The following UBE2Q2 variants were observed in gnomAD, a reference collection of about 807,000 sequenced individuals.
The protein encoded by UBE2Q2 is ubiquitin conjugating enzyme E2 Q2.
UBE2Q2 carries 54 observed loss-of-function variants against 59.9 expected under a neutral mutation model. That is an observed-to-expected ratio of 0.90 (90% CI 0.72 to 1.13). UBE2Q2 has a LOEUF of 1.13. UBE2Q2 is among the 50% of genes most tolerant of loss of function. The probability of loss-of-function intolerance (pLI) is 0.00; values close to 1 mark genes in which losing one functional copy is unlikely to be tolerated. For synonymous variants in UBE2Q2, 165 were observed against 155.2 expected (o/e 1.06, Z -0.47); for missense variants, 433 against 441.9 (o/e 0.98, Z 0.18).
intron 3 of UBE2Q2, among the ~76,000 whole-genome samples, chr15:75,860,641 T>C (rs1337460491): frequency 6.6e-6 from 1 of 152,206 alleles, no homozygotes; most frequent in African/African-American, 2.4e-5. Flanking sequence ...CTTTTTGTTT[T>C]GCAGTGTCTT....
chr15:75,858,628 A>ACTAC (rs901486431), intron 2 of UBE2Q2, among the ~76,000 whole-genome samples: 1 of 152,088 alleles, frequency 6.6e-6, no homozygotes, highest in Non-Finnish European at 1.5e-5. Context: ...TGGAGAGTGT[A>ACTAC]CTACCCTGTC....
chr15:75,874,785 A>G (rs1897985789), intron 5 of UBE2Q2, among the ~76,000 whole-genome samples: 1 of 152,198 alleles, frequency 6.6e-6, no homozygotes. Context: ...GAAACATCAA[A>G]TGATTGTCTG....
intron 1 of UBE2Q2, 106 bp downstream of exon 1, chr15:75,843,952 G>T: frequency 1.6e-5 from 23 of 1,416,308 alleles, no homozygotes; most frequent in Non-Finnish European, 2.1e-5. Flanking sequence ...CCGGCTCCCC[G>T]GGCGGGGCAG....
intron 1 of UBE2Q2, among the ~76,000 whole-genome samples, chr15:75,845,999 A>G (rs1239829946): frequency 6.6e-6 from 1 of 152,244 alleles, no homozygotes; most frequent in Admixed American, 6.5e-5. Flanking sequence ...ATGACAGACT[A>G]TCAGGAGATA....
At chr15:75,892,872 T>TA (rs1899180804) in intron 11 of UBE2Q2, among the ~76,000 whole-genome samples, 2 of 152,078 alleles carry the variant, frequency 1.3e-5, no homozygotes, top group Admixed American at 1.3e-4. Flanking sequence ...TGTCTCAAAA[T>TA]AAAAAATGTA....
chr15:75,883,777 T>A (rs1898592449), intron 9 of UBE2Q2, among the ~76,000 whole-genome samples: 1 of 152,262 alleles, frequency 6.6e-6, no homozygotes. Flanking sequence ...CCATTAGTTG[T>A]AAAGCATTAT....
intron 3 of UBE2Q2, among the ~76,000 whole-genome samples, chr15:75,864,431 CAGG>C (rs754547180): frequency 2.0e-5 from 3 of 152,140 alleles, no homozygotes; most frequent in Non-Finnish European, 4.4e-5. Flanking sequence ...CTACAACACA[CAGG>C]AGAACCCTCC....
Position 75,873,583 on chromosome 15 carries a change from A to T in UBE2Q2, c.588+15A>T, listed in dbSNP as rs765609658. ...ACCATTTAAATGTAAGTGTGTGTAG[A>T]TATCTAGAACCTGGACTTTTGTGGT... On this transcript the variant is annotated intron_variant, in intron 5 of 12. Transcript: ENST00000267938. 1.6e-5 allele frequency: 25 copies of T among 1,603,516 alleles called. No individual in the cohort carries two copies. The highest frequency in any genetic ancestry group is 2.1e-5 in the Non-Finnish European group (25 of 1,176,750).
At chr15:75,872,902 G>A (rs989085216) in intron 4 of UBE2Q2, among the ~76,000 whole-genome samples, 16 of 151,548 alleles carry the variant, frequency 1.1e-4, no homozygotes, top group African/African-American at 1.2e-4. Flanking sequence ...AAAGTTTTTC[G>A]TTACAGGAGA....
At chr15:75,887,178 G>GC (rs756862125) in intron 9 of UBE2Q2, among the ~76,000 whole-genome samples, 1 of 152,048 alleles carries the variant, frequency 6.6e-6, no homozygotes, top group Non-Finnish European at 1.5e-5. Context: ...TTATACCAAA[G>GC]CCAGCTATAT....
intron 1 of UBE2Q2, among the ~76,000 whole-genome samples, chr15:75,848,856 T>A (rs1213354260): frequency 1.3e-5 from 2 of 152,152 alleles, no homozygotes; most frequent in African/African-American, 4.8e-5. Flanking sequence ...TTATGTGATC[T>A]CTTCTAGAAG....
At position 75,879,165 on chromosome 15, in the gene UBE2Q2, A is replaced by G; in HGVS notation, c.802A>G (p.Ile268Val). ...ILKEKEGIEY[I>V]LLNFSFKDNF... is the part of the protein sequence containing the mutation. The stretch of plus-strand genomic sequence containing the variant: ...AAAAGAAAAAGAAGGCATAGAATAT[A>G]TTTTGCTTAACTTCTCTTTTAAGGT... Residue 268 changes from isoleucine (I) to valine (V), a missense_variant, in exon 8 of 13, where the codon ATT becomes GTT. Physicochemically the swap from Ile to Val is conservative, Grantham distance 29 (BLOSUM62 3). Coordinates refer to ENST00000267938, the MANE Select transcript of UBE2Q2 (RefSeq NM_173469.4). 1 of 1,598,896 alleles carries G rather than the reference A, an allele frequency of 6.3e-7. No individual in the cohort carries two copies. The highest frequency in any genetic ancestry group is 8.5e-7 in the Non-Finnish European group (1 of 1,172,792).
intron 4 of UBE2Q2, among the ~76,000 whole-genome samples, chr15:75,871,600 C>T (rs1461803612): frequency 6.6e-6 from 1 of 152,220 alleles, no homozygotes; most frequent in Admixed American, 6.5e-5. Context: ...TGCCTTCAAG[C>T]ATTTGTTTAA....
intron 2 of UBE2Q2, 49 bp downstream of exon 2, chr15:75,854,536 TATAGA>T: frequency 8.7e-7 from 1 of 1,154,284 alleles, no homozygotes; most frequent in Non-Finnish European, 1.3e-6. Context: ...GAACATTACA[TATAGA>T]AATTAAATGT....
chr15:75,894,026 T>C (rs546539349), intron 11 of UBE2Q2, among the ~76,000 whole-genome samples: 2 of 152,330 alleles, frequency 1.3e-5, no homozygotes, highest in South Asian at 2.1e-4. Context: ...GTTAAATCTA[T>C]AAGTTAATAA....
intron 2 of UBE2Q2, among the ~76,000 whole-genome samples, chr15:75,856,526 A>G (rs1008124685): frequency 7.2e-5 from 11 of 152,218 alleles, no homozygotes; most frequent in Admixed American, 3.3e-4. Flanking sequence ...TTCTAACTTA[A>G]TAAGGAAAGG....
In UBE2Q2 at chr15:75,899,483, A is replaced by C; in HGVS notation, c.*25A>C. ...AATGTGTTGACTGTTGTATGTTTGG[A>C]CTAATGTTGCTTTAAAGAAAATCTT... On this transcript the variant is annotated 3_prime_UTR_variant, in exon 13 of 13. Coordinates refer to ENST00000267938, the MANE Select transcript of UBE2Q2 (RefSeq NM_173469.4). 2.5e-6 allele frequency: 4 copies of C among 1,586,468 alleles called. No homozygotes were observed. The highest frequency in any genetic ancestry group is 3.4e-6 in the Non-Finnish European group (4 of 1,165,168).
intron 9 of UBE2Q2, among the ~76,000 whole-genome samples, chr15:75,886,747 C>T (rs1180609914): frequency 2.0e-5 from 3 of 151,810 alleles, no homozygotes; most frequent in African/African-American, 7.3e-5. Context: ...ATTAGCTGGG[C>T]GTGGTGGTGG....
Position 75,843,493 on chromosome 15 carries a change from G to A in UBE2Q2, c.-174G>A, listed in dbSNP as rs1896124088. The A allele has an allele frequency of 6.7e-6, 2 of 300,438 alleles. No homozygotes were observed. The highest frequency in any genetic ancestry group is 1.1e-4 in the Admixed American group (2 of 18,464). The allele number at this position is 300,438 out of a possible 1,614,324, so 18.6% of individuals were successfully genotyped here. A position where few individuals can be genotyped will look rare whatever the true frequency, so the allele number is the denominator to read the frequency against. On this transcript the variant is annotated 5_prime_UTR_variant, in exon 1 of 13. Transcript: ENST00000267938. ...AGCGCCACCCAGGCCGCCACACGCC[G>A]AGGCTTCCGCGCCCCTCGCCATTTT...
Sources: allele counts gnomAD v4.1 joint callset (sites outside exome capture counted in the v4.1 genomes callset), GRCh38; gene constraint gnomAD v4.1.1; transcripts MANE v1.5; gene names NCBI Gene and HGNC (gene_info 2026-07-23, HGNC 2026-07-21).